The following POPDC2 variants were observed in gnomAD, a reference collection of about 807,000 sequenced individuals.
POPDC2 encodes the protein popeye domain-containing protein 2.
In POPDC2, 24 loss-of-function variants were observed where a neutral mutation model predicts 30.5. That is an observed-to-expected ratio of 0.79 (90% confidence interval 0.57 to 1.11). The LOEUF (loss-of-function observed/expected upper bound fraction) is 1.11. POPDC2 is among the 50% of genes least tolerant of loss of function. The pLI is 0.00. For missense variants in POPDC2, 409 were observed against 447.0 expected (o/e 0.91, Z 0.77); for synonymous variants, 185 against 183.3 (o/e 1.01, Z -0.07).
chr3:119,643,971 G>C (rs2052717603), intron 3 of POPDC2, among the ~76,000 whole-genome samples: 1 of 152,148 alleles, frequency 6.6e-6, no homozygotes, highest in Non-Finnish European at 1.5e-5. Flanking sequence ...AAAATTTGAA[G>C]ATATTACACT....
rs759030350 is a variant in POPDC2, at chr3:119,660,129, G to C, written c.295C>G (p.Leu99Val). ...LLQLAHLVYR[L>V]REDTLPEEFD... ...TCCTCAGGGAGGGTGTCCTCACGCAGGCGGTATACCAGGTGTGCCAGCTGG... is the reference window on the plus strand; with the variant it reads ...TCCTCAGGGAGGGTGTCCTCACGCACGCGGTATACCAGGTGTGCCAGCTGG... Residue 99 changes from leucine (L) to valine (V), a missense_variant, in exon 1 of 4, where the codon CTG becomes GTG. Transcript: ENST00000493094. 5 of 1,614,222 alleles carry C rather than the reference G, an allele frequency of 3.1e-6. No individual in the cohort carries two copies. The South Asian group carries it at 5.5e-5, about 18-fold the overall frequency.
chr3:119,648,013 G>GGAACAT (rs2052763759), intron 3 of POPDC2, 106 bp downstream of exon 3: 3 of 929,916 alleles, frequency 3.2e-6, no homozygotes, highest in Non-Finnish European at 4.6e-6. Context: ...CTTTCTGTGA[G>GGAACAT]TCCTCTAAGA....
intron 2 of POPDC2, among the ~76,000 whole-genome samples, chr3:119,653,401 G>A (rs2052838621): frequency 6.6e-6 from 1 of 152,006 alleles, no homozygotes; most frequent in Non-Finnish European, 1.5e-5. Context: ...CCAGGAACCT[G>A]CATTGGAGCA....
At chr3:119,655,552 A>T (rs2052869827) in intron 1 of POPDC2, among the ~76,000 whole-genome samples, 1 of 152,114 alleles carries the variant, frequency 6.6e-6, no homozygotes, top group Admixed American at 6.5e-5. Context: ...CTCCCTTCCC[A>T]TTAGCTACAT....
chr3:119,654,469 G>A (rs760040413), intron 2 of POPDC2, 36 bp downstream of exon 2: 15 of 1,387,038 alleles, frequency 1.1e-5, no homozygotes, highest in African/African-American at 2.8e-5. Context: ...ACAGTGGGAT[G>A]GGGTGAGGCG....
rs761164456 is a variant in POPDC2 at position 119,648,637 on chromosome 3, T to G, written c.632A>C (p.Tyr211Ser). The G allele has an allele frequency of 6.8e-6, 11 of 1,613,934 alleles. No individual in the cohort carries two copies. Among genetic ancestry groups the G allele is most frequent in the Admixed American group, 1.7e-5 (1 of 60,012 alleles). ...VTLTAETSCS[Y>S]ISWPRKSLHL... is the part of the protein sequence containing the mutation. The stretch of plus-strand genomic sequence containing the variant: ...GAGACTTTTCCGGGGCCAGGAAATG[T>G]AGCTACATGAGGTCTCAGCAGTCAG... Residue 211 changes from tyrosine (Y) to serine (S), a missense_variant, in exon 3 of 4, where the codon TAC becomes TCC. Transcript: ENST00000493094.
chr3:119,643,030 A>T (rs1353519746), intron 3 of POPDC2, among the ~76,000 whole-genome samples: 1 of 152,168 alleles, frequency 6.6e-6, no homozygotes, highest in Non-Finnish European at 1.5e-5. Flanking sequence ...CAGGTGGGGA[A>T]CTGCTGCCTC....
rs1381462685 is a variant in POPDC2 at position 119,657,819 on chromosome 3, T to C, written c.491+2114A>G. Among the ~76,000 whole-genome samples, 4 of 152,318 alleles carry C rather than the reference T, an allele frequency of 2.6e-5. No individual in the cohort carries two copies. The East Asian group carries it at 5.8e-4, about 22-fold the overall frequency. On this transcript the variant is annotated intron_variant, in intron 1 of 3. Coordinates refer to ENST00000493094, the MANE Select transcript of POPDC2 (RefSeq NM_001369919.2). Reference sequence around the variant, plus strand: ...TCTTGATCTACTGGAAGATGGATGATCTTCTCCTAAATGAATAGCTTAGAT... The same window carrying C: ...TCTTGATCTACTGGAAGATGGATGACCTTCTCCTAAATGAATAGCTTAGAT...
At chr3:119,658,618 T>C (rs947072231) in intron 1 of POPDC2, among the ~76,000 whole-genome samples, 3 of 152,234 alleles carry the variant, frequency 2.0e-5, no homozygotes, top group Non-Finnish European at 1.5e-5. Flanking sequence ...ATTTTCACAA[T>C]AGTTATATGT....
At chr3:119,654,248 G>A (rs986431555) in intron 2 of POPDC2, among the ~76,000 whole-genome samples, 1 of 152,186 alleles carries the variant, frequency 6.6e-6, no homozygotes, top group African/African-American at 2.4e-5. Flanking sequence ...GGGTTTTTAT[G>A]TTGTGGCACT....
intron 3 of POPDC2, among the ~76,000 whole-genome samples, chr3:119,643,141 G>C (rs375791508): frequency 6.6e-6 from 1 of 152,186 alleles, no homozygotes; most frequent in Non-Finnish European, 1.5e-5. Context: ...CAAGTTTTCC[G>C]AGCCAGGACT....
intron 3 of POPDC2, among the ~76,000 whole-genome samples, chr3:119,644,762 A>T (rs2052726792): frequency 6.6e-6 from 1 of 152,232 alleles, no homozygotes; most frequent in Non-Finnish European, 1.5e-5. Flanking sequence ...TAACATTTTG[A>T]TAACTAAAGA....
chr3:119,643,362 T>C (rs1244754480), intron 3 of POPDC2: 2 of 1,532,636 alleles, frequency 1.3e-6, no homozygotes, highest in African/African-American at 1.4e-5. Context: ...CACTTTTTGC[T>C]GTACCTTTTG....
rs1344177315 is a variant in POPDC2 at position 119,642,466 on chromosome 3, CCAATGATCCTTAAAGTT to C, written c.*122_*138del. 1 of 1,590,208 alleles carries C rather than the reference CCAATGATCCTTAAAGTT, an allele frequency of 6.3e-7. No individual in the cohort carries two copies. Among genetic ancestry groups the C allele is most frequent in the Non-Finnish European group, 8.6e-7 (1 of 1,158,608 alleles). The stretch of plus-strand genomic sequence containing the variant: ...CTGCGCTGGCCACAGAGAAGATAGT[CCAATGATCCTTAAAGTT>C]CAGGCGTGTGGGTTGGAGCCAAAGG... On this transcript the variant is annotated 3_prime_UTR_variant, in exon 4 of 4. Coordinates refer to ENST00000493094, the MANE Select transcript of POPDC2 (RefSeq NM_001369919.2).
chr3:119,653,726 C>G (rs1402190435), intron 2 of POPDC2, among the ~76,000 whole-genome samples: 1 of 152,308 alleles, frequency 6.6e-6, no homozygotes, highest in Non-Finnish European at 1.5e-5. Flanking sequence ...ATCCACCCAC[C>G]TCAGCCTCCC....
intron 1 of POPDC2, 60 bp from the exon 2 acceptor site, chr3:119,654,673 T>C (rs1490313943): frequency 2.4e-6 from 3 of 1,225,726 alleles, no homozygotes; most frequent in Admixed American, 1.7e-5. Context: ...AAGCCACCTA[T>C]GCTGAAGTTA....
chr3:119,659,771 A>G (rs2052919814), intron 1 of POPDC2, among the ~76,000 whole-genome samples, 162 bp downstream of exon 1: 1 of 151,858 alleles, frequency 6.6e-6, no homozygotes, highest in African/African-American at 2.4e-5. Context: ...AAGCAACCCC[A>G]CTCTTAGAAA....
intron 1 of POPDC2, among the ~76,000 whole-genome samples, chr3:119,658,696 A>G (rs2052906350): frequency 6.6e-6 from 1 of 152,240 alleles, no homozygotes; most frequent in South Asian, 2.1e-4. Flanking sequence ...TCACCAATAA[A>G]TGAAATGAAA....
chr3:119,648,282 G>A lies in POPDC2; in HGVS notation c.987C>T (p.Ser329=). ...FPAPPTRARL[S]RPDSGILGED... is the part of the protein sequence containing the mutation. ...CACCCAGTATGCCACTGTCTGGCCT[G>A]GACAACCTGGCCCGGGTAGGAGGTG... The change falls in exon 3 of 4, where the codon TCC becomes TCT. Residue 329 remains serine (S), a synonymous_variant. Transcript: ENST00000493094. The A allele has an allele frequency of 2.5e-6, 4 of 1,614,052 alleles. No homozygotes were observed. The highest frequency in any genetic ancestry group is 3.4e-6 in the Non-Finnish European group (4 of 1,180,016).
Sources: allele counts gnomAD v4.1 joint callset (sites outside exome capture counted in the v4.1 genomes callset), GRCh38; gene constraint gnomAD v4.1.1; transcripts MANE v1.5; gene names NCBI Gene and HGNC (gene_info 2026-07-23, HGNC 2026-07-21).